The following SYNE1 variants were observed in gnomAD, a reference collection of about 807,000 sequenced individuals.
SYNE1 encodes spectrin repeat containing nuclear envelope protein 1.
SYNE1 carries 616 observed loss-of-function variants against 1,111.0 expected under a neutral mutation model. That is an observed-to-expected ratio of 0.55 (90% CI 0.52 to 0.59). SYNE1 has a LOEUF of 0.59. Among genes scored for constraint, SYNE1 ranks in the 20% least tolerant of loss-of-function variants. SYNE1 has a pLI of 0.00. For synonymous variants in SYNE1, 3,855 were observed against 3,825.8 expected, an observed-to-expected ratio of 1.01 and a Z score of -0.28; for missense variants, 10,006 against 10,417.0, an observed-to-expected ratio of 0.96 and a Z score of 1.72.
intron 3 of SYNE1, among the ~76,000 whole-genome samples, chr6:152,568,484 G>C (rs974351072): frequency 6.6e-6 from 1 of 151,884 alleles, no homozygotes; most frequent in Non-Finnish European, 1.5e-5. Flanking sequence ...TGTATTTTTA[G>C]TAGAGATGGG....
chr6:152,273,398 T>C (rs2093355305), intron 98 of SYNE1, among the ~76,000 whole-genome samples: 1 of 152,234 alleles, frequency 6.6e-6, no homozygotes, highest in African/African-American at 2.4e-5. Flanking sequence ...TGCATTTAAA[T>C]CCTCACTGTT....
chr6:152,134,059 T>C (rs1042485412), intron 142 of SYNE1: 2 of 156,254 alleles, frequency 1.3e-5, no homozygotes, highest in Non-Finnish European at 2.8e-5. Flanking sequence ...TGTTAAGACA[T>C]AACATTTTAA....
intron 3 of SYNE1, among the ~76,000 whole-genome samples, chr6:152,559,940 T>C (rs2099389558): frequency 6.6e-6 from 1 of 152,164 alleles, no homozygotes; most frequent in South Asian, 2.1e-4. Context: ...TTACAACTGA[T>C]ACTACAGAAA....
chr6:152,168,941 CTT>C lies in SYNE1; in HGVS notation c.23628-4618_23628-4617del, dbSNP rs369581842. On this transcript the variant is annotated intron_variant, in intron 130 of 145. Transcript: ENST00000367255. ...TTGCTCAGGGGGTCTTCAGGTAACTCTTTTTCTTTTGTGAATTTCAAGAGTTT... is the reference window on the plus strand; with the variant it reads ...TTGCTCAGGGGGTCTTCAGGTAACTCTTTCTTTTGTGAATTTCAAGAGTTT... Among the ~76,000 whole-genome samples the C allele has an allele frequency of 1.5e-3, 226 of 151,914 alleles. 2 individuals are homozygous for C. The South Asian group carries it at 0.02, about 14-fold the overall frequency.
Position 152,310,026 on chromosome 6 carries a change from G to A in SYNE1, c.17020-9C>T. On this transcript the variant is annotated splice_polypyrimidine_tract_variant and intron_variant, in intron 89 of 145. Transcript: ENST00000367255. ...ATCTCAGACAACAAATGCTGAAAAT[G>A]CAATTTCATAGTTCAAAAATTTAAT... The A allele has an allele frequency of 6.2e-7, 1 of 1,612,584 alleles. No homozygotes were observed. Among genetic ancestry groups the A allele is most frequent in the Non-Finnish European group, 8.5e-7 (1 of 1,179,780 alleles).
chr6:152,390,388 T>A lies in SYNE1; in HGVS notation c.8069A>T (p.Gln2690Leu). 1 of 1,614,180 alleles carries A rather than the reference T, an allele frequency of 6.2e-7. No homozygotes were observed. The highest frequency in any genetic ancestry group is 8.5e-7 in the Non-Finnish European group (1 of 1,180,022). Residue 2690 changes from glutamine (Q) to leucine (L), a missense_variant, in exon 53 of 146, where the codon CAG becomes CTG. Around this residue, in one of 7 missense-constraint regions of SYNE1, gnomAD observed 4,955 missense variants for 5,017.2 expected, o/e 0.99. Transcript: ENST00000367255. Reference protein sequence around the residue: ...KLNMAIGKGEQALRSSNKEGQ... With the variant: ...KLNMAIGKGELALRSSNKEGQ... Reference sequence around the variant, plus strand: ...TTCTTTGTTGCTACTTCTCAAGGCCTGTTCCCCCTTGCCAATGGCCATATT... The same window carrying A: ...TTCTTTGTTGCTACTTCTCAAGGCCAGTTCCCCCTTGCCAATGGCCATATT...
At chr6:152,247,768 C>T (rs922204550) in intron 105 of SYNE1, among the ~76,000 whole-genome samples, 3 of 145,168 alleles carry the variant, frequency 2.1e-5, no homozygotes, top group African/African-American at 5.0e-5. Context: ...CACACACACA[C>T]ACACACACAC....
intron 46 of SYNE1, among the ~76,000 whole-genome samples, chr6:152,401,916 C>T (rs1171963630): frequency 1.3e-5 from 2 of 152,146 alleles, no homozygotes; most frequent in Non-Finnish European, 2.9e-5. Flanking sequence ...AATCTCAATT[C>T]CACAATTCAA....
At chr6:152,242,566 T>C in intron 106 of SYNE1, 126 bp from the exon 107 acceptor site, 1 of 935,874 alleles carries the variant, frequency 1.1e-6, no homozygotes, top group South Asian at 1.4e-5. Context: ...ATGTGCCTCC[T>C]GGAAACGCTC....
rs1253457981 is a variant in SYNE1, at chr6:152,278,186, T to C, written c.18476A>G (p.Lys6159Arg). 1 of 1,614,200 alleles carries C rather than the reference T, an allele frequency of 6.2e-7. No homozygotes were observed. Among genetic ancestry groups the C allele is most frequent in the Non-Finnish European group, 8.5e-7 (1 of 1,180,044 alleles). ...NLLLEGKAHT[K>R]DEAEQLAGKL... The stretch of plus-strand genomic sequence containing the variant: ...TCCAGCCAGCTGCTCGGCCTCGTCC[T>C]TGGTGTGAGCTTTGCCCTCCAGCAG... The change falls in exon 98 of 146, where the codon AAG becomes AGG. Residue 6159 changes from lysine (K) to arginine (R), a missense_variant. Coordinates refer to ENST00000367255, the MANE Select transcript of SYNE1 (RefSeq NM_182961.4).
chr6:152,162,643 T>G (rs1008284546), intron 131 of SYNE1, among the ~76,000 whole-genome samples: 1 of 152,200 alleles, frequency 6.6e-6, no homozygotes. Flanking sequence ...CAGAAAACTT[T>G]AATTTCATAA....
chr6:152,576,386 T>TC (rs2099496666), intron 3 of SYNE1, among the ~76,000 whole-genome samples: 1 of 152,170 alleles, frequency 6.6e-6, no homozygotes, highest in Non-Finnish European at 1.5e-5. Context: ...AGGTTTTTCT[T>TC]CCAATCACTC....
At chr6:152,439,465 G>A (rs895156852) in intron 32 of SYNE1, among the ~76,000 whole-genome samples, 8 of 152,152 alleles carry the variant, frequency 5.3e-5, no homozygotes, top group Non-Finnish European at 1.0e-4. Context: ...GTGGCCTCAA[G>A]CAATCCTCCC....
At chr6:152,264,633 CA>C (rs200482538) in intron 100 of SYNE1, among the ~76,000 whole-genome samples, 8 of 151,048 alleles carry the variant, frequency 5.3e-5, no homozygotes, top group Non-Finnish European at 7.4e-5. Flanking sequence ...CCTGTCTCTA[CA>C]AAAAAAAATT....
chr6:152,610,752 G>A (rs947333523), intron 3 of SYNE1, among the ~76,000 whole-genome samples: 7 of 152,222 alleles, frequency 4.6e-5, no homozygotes, highest in African/African-American at 1.7e-4. Context: ...GAGATAGGTC[G>A]GGTTACCCAT....
chr6:152,369,480 C>G lies in SYNE1; in HGVS notation c.9642G>C (p.Gln3214His). 1 of 1,614,168 alleles carries G rather than the reference C, an allele frequency of 6.2e-7. No individual in the cohort carries two copies. Among genetic ancestry groups the G allele is most frequent in the African/African-American group, 1.3e-5 (1 of 75,034 alleles). Residue 3214 changes from glutamine (Q) to histidine (H), a missense_variant, in exon 60 of 146, where the codon CAG becomes CAC. Around this residue, in one of 7 missense-constraint regions of SYNE1, gnomAD observed 4,955 missense variants for 5,017.2 expected, o/e 0.99. Coordinates refer to ENST00000367255, the MANE Select transcript of SYNE1 (RefSeq NM_182961.4). ...GAGGCGGGCTCATCACCTGGAGCTT[C>G]TGCTGCTCCCTCCTCTTTGCTGGCA... ...YDLPAKRREQ[Q>H]KLQSVLEEIH... is the part of the protein sequence containing the mutation.
intron 3 of SYNE1, among the ~76,000 whole-genome samples, chr6:152,592,806 C>T (rs765040410): frequency 1.2e-4 from 19 of 152,136 alleles, no homozygotes; most frequent in Admixed American, 2.6e-4. Flanking sequence ...GCCTCTCTTC[C>T]GGATTATCCA....
rs762469387 is a variant in SYNE1, at chr6:152,233,978, G to A, written c.20530-15C>T. On this transcript the variant is annotated splice_polypyrimidine_tract_variant and intron_variant, in intron 111 of 145. Coordinates refer to ENST00000367255, the MANE Select transcript of SYNE1 (RefSeq NM_182961.4). Reference sequence around the variant, plus strand: ...TTAGAAAACTCCTGAAACAAGTAGCGATGTTCAAATTAGGGTTAAATAGCT... The same window carrying A: ...TTAGAAAACTCCTGAAACAAGTAGCAATGTTCAAATTAGGGTTAAATAGCT... 35 of 1,612,940 alleles carry A rather than the reference G, an allele frequency of 2.2e-5. No homozygotes were observed. The highest frequency in any genetic ancestry group is 3.3e-4 in the Middle Eastern group (2 of 6,084).
rs750056811 is a variant in SYNE1 at position 152,358,398 on chromosome 6, T to C, written c.10583A>G (p.His3528Arg). 6 of 1,614,220 alleles carry C rather than the reference T, an allele frequency of 3.7e-6. No individual in the cohort carries two copies. Among genetic ancestry groups the C allele is most frequent in the Middle Eastern group, 1.6e-4 (1 of 6,062 alleles). The part of the protein sequence containing the change: ...YSVLEGDAHT[H>R]ETTLRDLQEL... ...CTGAAGATCACGCAATGTTGTCTCA[T>C]GAGTGTGGGCATCACCTTCAAGAAC... The change falls in exon 66 of 146, where the codon CAT becomes CGT. Residue 3528 changes from histidine to arginine, a missense_variant. By Grantham distance (29) the His-to-Arg change is conservative (BLOSUM62 0). Coordinates refer to ENST00000367255, the MANE Select transcript of SYNE1 (RefSeq NM_182961.4).
Sources: allele counts gnomAD v4.1 joint callset (sites outside exome capture counted in the v4.1 genomes callset), GRCh38; gene constraint gnomAD v4.1.1; regional missense constraint gnomAD v4.1.1; transcripts MANE v1.5; gene names NCBI Gene and HGNC (gene_info 2026-07-23, HGNC 2026-07-21).